Variants in TFRC observed in about 807,000 individuals in gnomAD.
TFRC encodes the protein transferrin receptor.
In TFRC, 35 loss-of-function variants were observed where a neutral mutation model predicts 85.8. That is an observed-to-expected ratio of 0.41 (90% CI 0.31 to 0.54). TFRC has a LOEUF of 0.54. TFRC is among the 20% of genes least tolerant of loss of function. TFRC has a pLI of 0.31. For synonymous variants in TFRC, 362 were observed against 328.6 expected (o/e 1.10, Z -1.10); for missense variants, 828 against 921.5 (o/e 0.90, Z 1.31).
At position 196,059,779 on chromosome 3, in the gene TFRC, T is replaced by C. The variant is rs1239620426; in HGVS notation, c.1536+401A>G. On this transcript the variant is annotated intron_variant, in intron 14 of 18. Coordinates refer to ENST00000360110, the MANE Select transcript of TFRC (RefSeq NM_001128148.3). ...CCCTCTCCCCTCCCCCCACCCCACA[T>C]AGGCAAATATTTTCTTTCACATGCT... Among the ~76,000 whole-genome samples the C allele has an allele frequency of 5.9e-5, 6 of 101,434 alleles. No homozygotes were observed. In the South Asian group the frequency reaches 1.1e-3, roughly 18 times the overall value. 66.5% of individuals were successfully genotyped at this position (101,434 alleles called of 152,430 possible).
At chr3:196,057,551 G>A (rs973480790) in intron 16 of TFRC, among the ~76,000 whole-genome samples, 4 of 152,058 alleles carry the variant, frequency 2.6e-5, no homozygotes, top group African/African-American at 9.7e-5. Flanking sequence ...GATTACAGGC[G>A]TGAGCTACCA....
chr3:196,081,302 A>G (rs1719151139), intron 1 of TFRC, among the ~76,000 whole-genome samples: 1 of 152,140 alleles, frequency 6.6e-6, no homozygotes, highest in Admixed American at 6.5e-5. Flanking sequence ...CCTTGAGAAA[A>G]CAGAATCCAC....
intron 17 of TFRC, among the ~76,000 whole-genome samples, chr3:196,053,918 T>C (rs924045168): frequency 2.6e-5 from 4 of 152,212 alleles, no homozygotes; most frequent in Non-Finnish European, 5.9e-5. Context: ...AAGTTCCATT[T>C]TCAACAGTTA....
Position 196,065,434 on chromosome 3 carries a change from G to GGGGGGGGGGGTTTAAA in TFRC, c.1198+8_1198+9insTTTAAACCCCCCCCCC. 1 of 621,574 alleles carries GGGGGGGGGGGTTTAAA rather than the reference G, an allele frequency of 1.6e-6. No individual in the cohort carries two copies. The allele number at this position is 621,574 out of a possible 1,614,324, so 38.5% of individuals were successfully genotyped here. On this transcript the variant is annotated intron_variant, in intron 10 of 18. Coordinates refer to ENST00000360110, the MANE Select transcript of TFRC (RefSeq NM_001128148.3). Reference sequence around the variant, plus strand: ...AAGCGGGGCGGGGGGGGGGGGGGGCGGTCTTTACCTGGTTCTACAAAGCCT... The same window carrying GGGGGGGGGGGTTTAAA: ...AAGCGGGGCGGGGGGGGGGGGGGGCGGGGGGGGGGGTTTAAAGTCTTTACCTGGTTCTACAAAGCCT...
In TFRC at chr3:196,075,309, C is replaced by T. The variant is rs545061104; in HGVS notation, c.88G>A (p.Asp30Asn). ...YTRFSLARQV[D>N]GDNSHVEMKL... ...ATCTCCACATGACTGTTATCGCCAT[C>T]TACTTGCCGAGCCAGGCTGAACCGG... is the stretch of plus-strand genomic sequence containing the variant. The change falls in exon 3 of 19, where the codon GAT becomes AAT. Residue 30 changes from aspartate (D) to asparagine (N), a missense_variant. Asp to Asn is a conservative substitution (Grantham distance 23, BLOSUM62 1). Transcript: ENST00000360110. 1 of 1,614,174 alleles carries T rather than the reference C, an allele frequency of 6.2e-7. No individual in the cohort carries two copies. The highest frequency in any genetic ancestry group is 1.7e-5 in the Admixed American group (1 of 60,002).
chr3:196,071,722 G>A (rs566754999), intron 5 of TFRC, among the ~76,000 whole-genome samples: 8 of 152,250 alleles, frequency 5.3e-5, no homozygotes, highest in East Asian at 1.9e-4. Flanking sequence ...TCAAAAGTTC[G>A]AGACCATCCC....
At chr3:196,063,884 G>A (rs968523994) in intron 11 of TFRC, among the ~76,000 whole-genome samples, 8 of 151,826 alleles carry the variant, frequency 5.3e-5, no homozygotes, top group Admixed American at 2.0e-4. Context: ...TCACACCACT[G>A]CACTCCAGCC....
At chr3:196,073,677 T>C (rs893611108) in intron 4 of TFRC, among the ~76,000 whole-genome samples, 3 of 152,118 alleles carry the variant, frequency 2.0e-5, no homozygotes, top group African/African-American at 7.2e-5. Context: ...AGCAATAAGC[T>C]ACAAAGATGG....
chr3:196,070,850 G>T (rs1718138755), intron 6 of TFRC, among the ~76,000 whole-genome samples: 1 of 151,546 alleles, frequency 6.6e-6, no homozygotes, highest in South Asian at 2.1e-4. Flanking sequence ...AGCTACTCAA[G>T]AGGCTCACTT....
At chr3:196,060,586 C>T (rs1302521915) in intron 13 of TFRC, 3 of 200,808 alleles carry the variant, frequency 1.5e-5, no homozygotes, top group Non-Finnish European at 3.1e-5. Context: ...ATCACAAGGT[C>T]AGGAGATCGA....
chr3:196,075,131 C>T (rs758762213), intron 3 of TFRC, 28 bp downstream of exon 3: 2 of 1,551,046 alleles, frequency 1.3e-6, no homozygotes, highest in South Asian at 2.2e-5. Context: ...TTATAGAAAA[C>T]ATTGAAGTTT....
In TFRC at chr3:196,068,868, T is replaced by A. The variant is rs1215107206; in HGVS notation, c.801+587A>T. 2.7e-5 allele frequency among the ~76,000 whole-genome samples: 4 copies of A among 148,622 alleles called. No homozygotes were observed. The East Asian group carries it at 7.8e-4, about 29-fold the overall frequency. On this transcript the variant is annotated intron_variant, in intron 7 of 18. Transcript: ENST00000360110. ...ATCACTTGAACCTGGGAGGCGGAGGTTGCAGTGAGCTGAGATCACGCCACT... is the reference window on the plus strand; with the variant it reads ...ATCACTTGAACCTGGGAGGCGGAGGATGCAGTGAGCTGAGATCACGCCACT...
chr3:196,075,138 GT>G lies in TFRC; in HGVS notation c.238+20del. ...AGAGTTGGTTATAGAAAACATTGAA[GT>G]TTGGAATGGTCATTCTCACCAATCA... On this transcript the variant is annotated intron_variant, in intron 3 of 18. Coordinates refer to ENST00000360110, the MANE Select transcript of TFRC (RefSeq NM_001128148.3). 2 of 1,596,514 alleles carry G rather than the reference GT, an allele frequency of 1.3e-6. No individual in the cohort carries two copies. Among genetic ancestry groups the G allele is most frequent in the Non-Finnish European group, 1.7e-6 (2 of 1,167,648 alleles).
At chr3:196,076,314 A>ATT (rs572366190) in intron 2 of TFRC, among the ~76,000 whole-genome samples, 4 of 149,340 alleles carry the variant, frequency 2.7e-5, no homozygotes, top group Non-Finnish European at 4.5e-5. Flanking sequence ...TTAAAATTTC[A>ATT]TTTTTTTTTT....
At position 196,060,213 on chromosome 3, in the gene TFRC, C is replaced by G. The variant is rs114157544; in HGVS notation, c.1503G>C (p.Leu501=). ...TTGTTTTCTCAATAAGCGTATACAA[C>G]AGTGGGCTGGCAGAAACCTTGAAGT... ...TSNFKVSASP[L]LYTLIEKTMQ... Residue 501 remains leucine, a synonymous_variant, in exon 14 of 19, where the codon CTG becomes CTC. Transcript: ENST00000360110. 3.8e-5 allele frequency: 61 copies of G among 1,613,932 alleles called. No homozygotes were observed. In the South Asian group the frequency reaches 5.9e-4, roughly 16 times the overall value.
chr3:196,063,350 A>T (rs1276497738), intron 11 of TFRC: 2 of 153,142 alleles, frequency 1.3e-5, no homozygotes, highest in African/African-American at 4.8e-5. Context: ...TTGGATTTTT[A>T]AAAAAATAAT....
chr3:196,073,059 AACCC>A (rs2108654887), intron 4 of TFRC, among the ~76,000 whole-genome samples: 1 of 127,082 alleles, frequency 7.9e-6, no homozygotes, highest in East Asian at 2.7e-4. Flanking sequence ...AAAAAAAAAA[AACCC>A]ACAAAAATTA....
intron 16 of TFRC, among the ~76,000 whole-genome samples, chr3:196,056,291 T>C (rs1206201802): frequency 6.6e-6 from 1 of 151,956 alleles, no homozygotes; most frequent in Admixed American, 6.6e-5. Flanking sequence ...AGCCACCCAA[T>C]GTGCCGGAAT....
At chr3:196,078,933 C>T (rs1315584330) in intron 1 of TFRC, among the ~76,000 whole-genome samples, 1 of 151,830 alleles carries the variant, frequency 6.6e-6, no homozygotes, top group Non-Finnish European at 1.5e-5. Flanking sequence ...ACCACCATGC[C>T]CAGCTAATTT....
Sources: gnomAD v4.1 joint callset for allele counts (sites outside exome capture counted in the v4.1 genomes callset) on GRCh38, gnomAD v4.1.1 for gene constraint, MANE v1.5 for transcripts, NCBI Gene and HGNC (gene_info 2026-07-23, HGNC 2026-07-21) for gene names.